Variants in THEM4 observed in about 807,000 individuals in gnomAD.
The protein encoded by THEM4 is acyl-coenzyme A thioesterase THEM4.
Under a neutral mutation model 25.0 loss-of-function variants are expected in THEM4, and 22 were observed. The observed-to-expected ratio is 0.88, with a 90% CI of 0.63 to 1.26. The LOEUF is 1.26. THEM4 is among the 50% of genes most tolerant of loss of function. The probability of loss-of-function intolerance (pLI) is 0.00; values close to 1 mark genes in which losing one functional copy is unlikely to be tolerated. For missense variants in THEM4, 286 were observed against 300.3 expected (o/e 0.95, Z 0.35); for synonymous variants, 113 against 105.6 (o/e 1.07, Z -0.43).
chr1:151,897,267 T>C (rs374628962), intron 1 of THEM4, among the ~76,000 whole-genome samples: 99 of 152,306 alleles, frequency 6.5e-4, no homozygotes, highest in African/African-American at 2.3e-3. Flanking sequence ...ATACACACAC[T>C]GCACCATAAA....
intron 1 of THEM4, among the ~76,000 whole-genome samples, chr1:151,905,946 G>T (rs1654450987): frequency 6.6e-6 from 1 of 152,244 alleles, no homozygotes; most frequent in Non-Finnish European, 1.5e-5. Flanking sequence ...CATAAGCAAG[G>T]GTCATAGTGA....
intron 1 of THEM4, among the ~76,000 whole-genome samples, chr1:151,903,714 A>C (rs1168426661): frequency 6.6e-6 from 1 of 152,222 alleles, no homozygotes; most frequent in African/African-American, 2.4e-5. Context: ...TAAGCTTTGG[A>C]GTTATGAATT....
intron 4 of THEM4, among the ~76,000 whole-genome samples, chr1:151,884,106 T>G (rs1286791408): frequency 2.0e-3 from 284 of 144,684 alleles, no homozygotes; most frequent in African/African-American, 7.5e-3. Flanking sequence ...AATAAATAAA[T>G]AAATAAAGGA....
chr1:151,883,050 GGAGAGAGA>G (rs10549601), intron 4 of THEM4, among the ~76,000 whole-genome samples: 8 of 149,690 alleles, frequency 5.3e-5, no homozygotes, highest in Non-Finnish European at 8.9e-5. Context: ...CATGGTGGCA[GGAGAGAGA>G]GAGAGAGAGA....
chr1:151,892,854 TA>T (rs1351320526), intron 2 of THEM4, among the ~76,000 whole-genome samples: 1 of 152,070 alleles, frequency 6.6e-6, no homozygotes, highest in African/African-American at 2.4e-5. Flanking sequence ...AGAGGAGTAC[TA>T]AGGACTGAGA....
At chr1:151,908,779 G>A (rs570652716) in intron 1 of THEM4, among the ~76,000 whole-genome samples, 16 of 152,228 alleles carry the variant, frequency 1.1e-4, no homozygotes, top group African/African-American at 3.6e-4. Context: ...TAAGAGGGGC[G>A]ATCTCTGTTT....
intron 1 of THEM4, among the ~76,000 whole-genome samples, chr1:151,897,442 TG>T (rs1654250179): frequency 6.6e-6 from 1 of 152,236 alleles, no homozygotes; most frequent in South Asian, 2.1e-4. Flanking sequence ...CCATGCTGGA[TG>T]CTTCCTGCCC....
intron 4 of THEM4, among the ~76,000 whole-genome samples, chr1:151,885,558 T>C (rs1653950079): frequency 6.6e-6 from 1 of 152,260 alleles, no homozygotes; most frequent in South Asian, 2.1e-4. Flanking sequence ...TCTTTCCTTG[T>C]GTATTTGGTA....
chr1:151,908,396 G>C (rs1477599753), intron 1 of THEM4, among the ~76,000 whole-genome samples: 1 of 152,106 alleles, frequency 6.6e-6, no homozygotes, highest in African/African-American at 2.4e-5. Context: ...GTTTAGCCCG[G>C]CATGGCCCAG....
rs764145730 is a variant in THEM4, at chr1:151,889,423, G to A, written c.287-50C>T. On this transcript the variant is annotated intron_variant, in intron 2 of 5. Transcript: ENST00000368814. ...AATGAGAAACAAGGGTGAGAGAAATGCCATGGCAGAGCCAAGCACCTGTAC... is the reference window on the plus strand; with the variant it reads ...AATGAGAAACAAGGGTGAGAGAAATACCATGGCAGAGCCAAGCACCTGTAC... 1.6e-5 allele frequency: 25 copies of A among 1,585,122 alleles called. 1 individual carries two copies. The African/African-American group carries it at 3.2e-4, about 21-fold the overall frequency.
chr1:151,886,321 G>A (rs1653969579), intron 4 of THEM4, among the ~76,000 whole-genome samples: 1 of 152,198 alleles, frequency 6.6e-6, no homozygotes, highest in African/African-American at 2.4e-5. Flanking sequence ...GGCAGGTTCT[G>A]TTTCCCATTT....
intron 1 of THEM4, among the ~76,000 whole-genome samples, chr1:151,908,322 C>G (rs942748346): frequency 1.6e-4 from 24 of 152,364 alleles, no homozygotes; most frequent in Non-Finnish European, 3.2e-4. Context: ...GCAAACTTCG[C>G]TGCAGGCCTC....
chr1:151,906,846 G>C (rs1350785983), intron 1 of THEM4, among the ~76,000 whole-genome samples: 1 of 152,126 alleles, frequency 6.6e-6, no homozygotes, highest in Non-Finnish European at 1.5e-5. Context: ...TTTGTGTCTA[G>C]CTCAGGGATT....
intron 1 of THEM4, among the ~76,000 whole-genome samples, chr1:151,906,213 C>T (rs902448516): frequency 6.6e-5 from 10 of 152,228 alleles, no homozygotes; most frequent in Non-Finnish European, 1.0e-4. Flanking sequence ...GTGGGCTTGG[C>T]GGGCCCTGCA....
At chr1:151,895,373 G>C (rs998492187) in intron 1 of THEM4, among the ~76,000 whole-genome samples, 179 bp from the exon 2 acceptor site, 1 of 152,168 alleles carries the variant, frequency 6.6e-6, no homozygotes, top group African/African-American at 2.4e-5. Context: ...ATGAGAGACT[G>C]AGAGAGGGAA....
intron 1 of THEM4, among the ~76,000 whole-genome samples, chr1:151,907,025 A>G (rs1232804409): frequency 3.9e-5 from 6 of 152,146 alleles, no homozygotes. Flanking sequence ...CGCTCTTTGC[A>G]ATAAATCTTG....
At chr1:151,904,249 AG>A (rs913312611) in intron 1 of THEM4, among the ~76,000 whole-genome samples, 49 of 152,186 alleles carry the variant, frequency 3.2e-4, no homozygotes, top group African/African-American at 1.1e-3. Context: ...GAAGAACTAG[AG>A]GGATCACACC....
intron 4 of THEM4, among the ~76,000 whole-genome samples, chr1:151,877,893 GGTAGAGCACGGAAACGT>G (rs1653717924): frequency 1.3e-5 from 2 of 152,188 alleles, no homozygotes; most frequent in Non-Finnish European, 2.9e-5. Context: ...TGAAACAGAA[GGTAGAGCACGGAAACGT>G]GTTTCGTGCT....
intron 5 of THEM4, among the ~76,000 whole-genome samples, chr1:151,875,419 A>G (rs1653650408): frequency 6.6e-6 from 1 of 152,256 alleles, no homozygotes; most frequent in Admixed American, 6.5e-5. Flanking sequence ...GAAAAATGTA[A>G]TAAATGCAAC....
Sources: allele counts gnomAD v4.1 joint callset (sites outside exome capture counted in the v4.1 genomes callset), GRCh38; gene constraint gnomAD v4.1.1; transcripts MANE v1.5; gene names NCBI Gene and HGNC (gene_info 2026-07-23, HGNC 2026-07-21).